GRM3: variants seen among roughly 807,000 people sequenced by gnomAD.
The protein encoded by GRM3 is metabotropic glutamate receptor 3.
A neutral mutation model predicts 70.5 loss-of-function variants in GRM3; 26 were observed. That is an observed-to-expected ratio of 0.37 (90% confidence interval 0.27 to 0.51). GRM3 has a LOEUF of 0.51. Among genes scored for constraint, GRM3 ranks in the 20% least tolerant of loss-of-function variants. The probability of loss-of-function intolerance (pLI) is 0.93; values close to 1 mark genes in which losing one functional copy is unlikely to be tolerated. For synonymous variants in GRM3, 443 were observed against 434.9 expected (o/e 1.02, Z -0.23); for missense variants, 859 against 1,123.8 (o/e 0.76, Z 3.37).
chr7:86,805,730 T>TA, intron 3 of GRM3, among the ~76,000 whole-genome samples: 1 of 152,340 alleles, frequency 6.6e-6, no homozygotes, highest in East Asian at 1.9e-4. Flanking sequence ...AATATGCATT[T>TA]AAGATTGCAT....
At chr7:86,765,682 G>A (rs927975404) in intron 2 of GRM3, 69 bp downstream of exon 2, 8 of 1,266,592 alleles carry the variant, frequency 6.3e-6, no homozygotes, top group African/African-American at 1.5e-5. Context: ...GGAACAAAAG[G>A]AAAATATCAT....
intron 1 of GRM3, among the ~76,000 whole-genome samples, chr7:86,726,763 G>GT (rs1215644539): frequency 7.2e-5 from 11 of 152,188 alleles, no homozygotes; most frequent in African/African-American, 2.7e-4. Context: ...CGCATTCACT[G>GT]TTCAGCTAAT....
Position 86,644,673 on chromosome 7 carries a change from A to G in GRM3, c.-340A>G, listed in dbSNP as rs191643990. On this transcript the variant is annotated 5_prime_UTR_variant, in exon 1 of 6. An upstream open reading frame in the 5' UTR loses its in-frame stop. Coordinates refer to ENST00000361669, the MANE Select transcript of GRM3 (RefSeq NM_000840.3). ...GGGGGCAGGGGCAGGGGGCACTGTG[A>G]CAGGAAGCTGCGCGCACAAGTTGGC... 1.9e-5 allele frequency: 12 copies of G among 645,696 alleles called. No individual in the cohort carries two copies. The East Asian group carries it at 7.3e-4, about 39-fold the overall frequency. 40.0% of individuals were successfully genotyped at this position (645,696 alleles called of 1,614,324 possible). A position where few individuals can be genotyped will look rare whatever the true frequency, so the allele number is the denominator to read the frequency against.
chr7:86,845,817 T>G (rs1208130827), intron 4 of GRM3, among the ~76,000 whole-genome samples: 1 of 152,176 alleles, frequency 6.6e-6, no homozygotes, highest in Non-Finnish European at 1.5e-5. Context: ...CCTAAAAGAC[T>G]AAATTATGAA....
chr7:86,729,498 T>A (rs1795674225), intron 1 of GRM3, among the ~76,000 whole-genome samples: 1 of 152,236 alleles, frequency 6.6e-6, no homozygotes, highest in Admixed American at 6.5e-5. Flanking sequence ...AAACACATTC[T>A]TTACTAACAT....
intron 1 of GRM3, among the ~76,000 whole-genome samples, chr7:86,747,871 C>T (rs1268930319): frequency 6.6e-6 from 1 of 152,110 alleles, no homozygotes; most frequent in Admixed American, 6.6e-5. Flanking sequence ...CTTCGGCTCA[C>T]TTACAGAACC....
At position 86,668,600 on chromosome 7, in the gene GRM3, G is replaced by A. The variant is rs538735881; in HGVS notation, c.-141+23728G>A. On this transcript the variant is annotated intron_variant, in intron 1 of 5. Transcript: ENST00000361669. ...CTAATGACCCCGTCTTTAGAGGGCA[G>A]AGAAACTTGGAGGGAAGGAGGAGAA... 8.5e-5 allele frequency among the ~76,000 whole-genome samples: 13 copies of A among 152,236 alleles called. No homozygotes were observed. In the South Asian group the frequency reaches 1.0e-3, roughly 12 times the overall value.
intron 1 of GRM3, among the ~76,000 whole-genome samples, chr7:86,763,052 G>A (rs1242752311): frequency 2.0e-5 from 3 of 152,084 alleles, no homozygotes; most frequent in African/African-American, 4.8e-5. Flanking sequence ...TAGAAGATGG[G>A]CTACTCTGAA....
chr7:86,841,965 T>C (rs1382219956), intron 4 of GRM3, among the ~76,000 whole-genome samples: 1 of 152,154 alleles, frequency 6.6e-6, no homozygotes, highest in Non-Finnish European at 1.5e-5. Flanking sequence ...GCTAAGATCA[T>C]TTAAAGTCTC....
intron 1 of GRM3, among the ~76,000 whole-genome samples, chr7:86,757,058 AG>A (rs1314048002): frequency 1.3e-5 from 2 of 152,102 alleles, no homozygotes; most frequent in African/African-American, 4.8e-5. Flanking sequence ...TTCTCTGCTG[AG>A]ATTCCCCAAC....
intron 3 of GRM3, among the ~76,000 whole-genome samples, chr7:86,808,622 G>T (rs1479981648): frequency 6.6e-6 from 1 of 151,980 alleles, no homozygotes; most frequent in Non-Finnish European, 1.5e-5. Context: ...GTGTTTGTAT[G>T]TGTGTGTGTT....
chr7:86,675,633 C>T (rs1362752349), intron 1 of GRM3, among the ~76,000 whole-genome samples: 2 of 152,046 alleles, frequency 1.3e-5, no homozygotes, highest in Non-Finnish European at 2.9e-5. Flanking sequence ...GCTCTGAAAC[C>T]ATTATTCTAA....
intron 3 of GRM3, among the ~76,000 whole-genome samples, chr7:86,789,947 C>T (rs1160846498): frequency 1.3e-5 from 2 of 152,142 alleles, no homozygotes; most frequent in Non-Finnish European, 2.9e-5. Context: ...AAGATTCTTC[C>T]AAATAGTAAT....
At chr7:86,652,971 G>A (rs558417689) in intron 1 of GRM3, among the ~76,000 whole-genome samples, 34 of 152,320 alleles carry the variant, frequency 2.2e-4, no homozygotes, top group African/African-American at 7.9e-4. Flanking sequence ...TGGGATTTGA[G>A]AAACATTGTT....
At chr7:86,661,178 G>A (rs890520704) in intron 1 of GRM3, among the ~76,000 whole-genome samples, 10 of 151,832 alleles carry the variant, frequency 6.6e-5, no homozygotes, top group African/African-American at 2.4e-4. Flanking sequence ...GAATCACCCC[G>A]AACAAAGTAC....
At chr7:86,759,923 G>C (rs1335700727) in intron 1 of GRM3, among the ~76,000 whole-genome samples, 1 of 152,034 alleles carries the variant, frequency 6.6e-6, no homozygotes, top group Non-Finnish European at 1.5e-5. Flanking sequence ...GCGTCTGTTT[G>C]TTTACCCAGC....
At chr7:86,710,580 A>AGGGG (rs1323049120) in intron 1 of GRM3, among the ~76,000 whole-genome samples, 1 of 5,894 alleles carries the variant, frequency 1.7e-4, no homozygotes, top group African/African-American at 7.2e-4. Flanking sequence ...GGGTGGGGGG[A>AGGGG]GGGGGCGGGT....
intron 1 of GRM3, among the ~76,000 whole-genome samples, chr7:86,692,897 A>T (rs2116039440): frequency 6.6e-6 from 1 of 152,346 alleles, no homozygotes; most frequent in Non-Finnish European, 1.5e-5. Context: ...GGGGCTCAGG[A>T]CATGAAAAGA....
chr7:86,766,011 G>C (rs17160964), intron 2 of GRM3, among the ~76,000 whole-genome samples: 1 of 152,106 alleles, frequency 6.6e-6, no homozygotes, highest in Non-Finnish European at 1.5e-5. Flanking sequence ...TTCTCTGAGT[G>C]ATGGCAGAGG....
Sources: gnomAD v4.1 joint callset for allele counts (sites outside exome capture counted in the v4.1 genomes callset) on GRCh38, gnomAD v4.1.1 for gene constraint, MANE v1.5 for transcripts, NCBI Gene and HGNC (gene_info 2026-07-23, HGNC 2026-07-21) for gene names.